MYO10: variants seen among roughly 807,000 people sequenced by gnomAD.
The protein encoded by MYO10 is unconventional myosin-X.
In MYO10, 133 loss-of-function variants were observed where a neutral mutation model predicts 257.3. That is an observed-to-expected ratio of 0.52 (90% confidence interval 0.45 to 0.60). The LOEUF is 0.60. MYO10 is among the 20% of genes least tolerant of loss of function. MYO10 has a pLI of 0.00. For synonymous variants in MYO10, 1,104 were observed against 1,028.6 expected (o/e 1.07, Z -1.40); for missense variants, 2,399 against 2,635.7 (o/e 0.91, Z 1.97).
Position 16,670,949 on chromosome 5 carries a change from A to G in MYO10, c.5460T>C (p.His1820=). ...CCTGGAGGTTTTCTTCCGGGGCTGG[A>G]TGGTGGCCATGGATAACCGCTTCGT... ...QAHEAVIHGH[H]PAPEENLQVL... Residue 1820 remains histidine (H), a synonymous_variant, in exon 39 of 41, where the codon CAT becomes CAC. Coordinates refer to ENST00000513610, the MANE Select transcript of MYO10 (RefSeq NM_012334.3). 6.2e-7 allele frequency: 1 copy of G among 1,612,140 alleles called. No homozygotes were observed. Among genetic ancestry groups the G allele is most frequent in the Non-Finnish European group, 8.5e-7 (1 of 1,178,430 alleles).
intron 3 of MYO10, chr5:16,815,375 C>T (rs1157434861): frequency 5.9e-6 from 4 of 682,072 alleles, no homozygotes; most frequent in Admixed American, 4.6e-5. Context: ...CATTTCCTTT[C>T]AGCAACACAT....
At chr5:16,902,791 C>T (rs908883807) in intron 1 of MYO10, 25 of 615,674 alleles carry the variant, frequency 4.1e-5, no homozygotes, top group Non-Finnish European at 6.9e-5. Flanking sequence ...CGTAAGCCAC[C>T]GTGCCCAGGG....
intron 9 of MYO10, among the ~76,000 whole-genome samples, chr5:16,777,268 C>T (rs1027145582): frequency 2.0e-5 from 3 of 152,094 alleles, no homozygotes; most frequent in Admixed American, 1.3e-4. Flanking sequence ...AGAGATGGAG[C>T]GAGAAACCGC....
chr5:16,869,191 ATTTTTTTTTTTT>A (rs70943814), intron 2 of MYO10, among the ~76,000 whole-genome samples: 3 of 115,882 alleles, frequency 2.6e-5, no homozygotes, highest in Admixed American at 9.5e-5. Flanking sequence ...CACCCGGCTA[ATTTTTTTTTTTT>A]TTTTTTTTTG....
At chr5:16,730,369 C>G (rs1008583964) in intron 19 of MYO10, among the ~76,000 whole-genome samples, 1 of 152,102 alleles carries the variant, frequency 6.6e-6, no homozygotes, top group African/African-American at 2.4e-5. Context: ...CATACCGGTA[C>G]AGTCTGTTGG....
At chr5:16,865,439 G>C (rs1744216390) in intron 2 of MYO10, among the ~76,000 whole-genome samples, 1 of 152,144 alleles carries the variant, frequency 6.6e-6, no homozygotes, top group Non-Finnish European at 1.5e-5. Context: ...TCTTGACGTT[G>C]TCTATTTCTT....
intron 19 of MYO10, among the ~76,000 whole-genome samples, chr5:16,731,044 CTT>C (rs907400094): frequency 2.0e-4 from 27 of 136,898 alleles, no homozygotes; most frequent in Admixed American, 4.4e-4. Flanking sequence ...TCAAAACACA[CTT>C]TTTTTTTTTT....
chr5:16,716,294 T>A (rs1444299335), intron 19 of MYO10, among the ~76,000 whole-genome samples: 1 of 151,990 alleles, frequency 6.6e-6, no homozygotes, highest in Non-Finnish European at 1.5e-5. Flanking sequence ...CAGGGCACAC[T>A]AAACCCTCTA....
intron 21 of MYO10, among the ~76,000 whole-genome samples, chr5:16,708,014 T>C (rs146472931): frequency 2.6e-3 from 390 of 152,316 alleles, no homozygotes; most frequent in African/African-American, 9.0e-3. Flanking sequence ...GACCTTCTGG[T>C]GGCAACACAC....
At chr5:16,742,000 C>T in intron 19 of MYO10, 1 of 985,418 alleles carries the variant, frequency 1.0e-6, no homozygotes, top group Non-Finnish European at 1.2e-6. Flanking sequence ...GAAGTCCAGC[C>T]TGGCGAGGCT....
Position 16,758,122 on chromosome 5 carries a change from A to C in MYO10, c.1844T>G (p.Phe615Cys). The C allele has an allele frequency of 6.2e-7, 1 of 1,604,204 alleles. No individual in the cohort carries two copies. The highest frequency in any genetic ancestry group is 8.5e-7 in the Non-Finnish European group (1 of 1,171,052). ...KHRRPTVSSQ[F>C]KDSLHSLMAT... is the part of the protein sequence containing the mutation. ...AAGCCAGCAGTGAAAACGAACCTTGAACTGTGAGCTGACTGTAGGCCGCCG... is the reference window on the plus strand; with the variant it reads ...AAGCCAGCAGTGAAAACGAACCTTGCACTGTGAGCTGACTGTAGGCCGCCG... The change falls in exon 18 of 41, where the codon TTC becomes TGC. Residue 615 changes from phenylalanine to cysteine, a missense_variant. This residue lies in a region of MYO10 where 1,820 missense variants were observed against 1,939.4 expected (regional missense o/e 0.94). Coordinates refer to ENST00000513610, the MANE Select transcript of MYO10 (RefSeq NM_012334.3).
chr5:16,763,575 T>G, intron 13 of MYO10, 28 bp from the exon 14 acceptor site: 1 of 1,598,272 alleles, frequency 6.3e-7, no homozygotes, highest in Non-Finnish European at 8.6e-7. Context: ...ACAGCCAAGT[T>G]AAATGAAAAC....
At chr5:16,758,468 A>G (rs942667916) in intron 17 of MYO10, among the ~76,000 whole-genome samples, 1 of 152,234 alleles carries the variant, frequency 6.6e-6, no homozygotes, top group African/African-American at 2.4e-5. Context: ...CATGACAGTG[A>G]CAAAGGGTGG....
At chr5:16,865,683 C>T (rs1165483682) in intron 2 of MYO10, among the ~76,000 whole-genome samples, 1 of 151,780 alleles carries the variant, frequency 6.6e-6, no homozygotes, top group Non-Finnish European at 1.5e-5. Flanking sequence ...TGGTGGCAGG[C>T]GTCTGTAGTC....
At chr5:16,678,001 T>C (rs2126486311) in intron 33 of MYO10, among the ~76,000 whole-genome samples, 1 of 151,506 alleles carries the variant, frequency 6.6e-6, no homozygotes, top group East Asian at 2.0e-4. Flanking sequence ...CCTCAGGTGA[T>C]CCACCCACCT....
chr5:16,729,654 C>T (rs1303223230), intron 19 of MYO10, among the ~76,000 whole-genome samples: 1 of 152,096 alleles, frequency 6.6e-6, no homozygotes, highest in Non-Finnish European at 1.5e-5. Context: ...CCGTGTTAGC[C>T]AGAATGGTCT....
At chr5:16,751,392 C>G (rs1740373611) in intron 19 of MYO10, among the ~76,000 whole-genome samples, 1 of 152,174 alleles carries the variant, frequency 6.6e-6, no homozygotes, top group Non-Finnish European at 1.5e-5. Flanking sequence ...TTGCCATAAT[C>G]AAATTAGCAT....
intron 11 of MYO10, among the ~76,000 whole-genome samples, chr5:16,764,996 T>C (rs1740824083): frequency 6.6e-6 from 1 of 152,206 alleles, no homozygotes; most frequent in African/African-American, 2.4e-5. Flanking sequence ...GCACCAGGTT[T>C]AAAACAATAA....
At chr5:16,890,181 C>T (rs1004716899) in intron 1 of MYO10, among the ~76,000 whole-genome samples, 5 of 151,762 alleles carry the variant, frequency 3.3e-5, no homozygotes. Context: ...AATCATACTT[C>T]CTGGATTAAA....
Sources: gnomAD v4.1 joint callset for allele counts (sites outside exome capture counted in the v4.1 genomes callset) on GRCh38, gnomAD v4.1.1 for gene constraint, gnomAD v4.1.1 regional missense constraint, MANE v1.5 for transcripts, NCBI Gene and HGNC (gene_info 2026-07-23, HGNC 2026-07-21) for gene names.